CCSER1: variants seen among roughly 807,000 people sequenced by gnomAD.
CCSER1 encodes coiled-coil serine rich protein 1, also known as serine-rich coiled-coil domain-containing protein 1.
Under a neutral mutation model 82.0 loss-of-function variants are expected in CCSER1, and 41 were observed. The observed-to-expected ratio is 0.50, with a 90% CI of 0.39 to 0.65. The LOEUF is 0.65. CCSER1 is among the 30% of genes least tolerant of loss of function. The pLI, the probability that CCSER1 is intolerant of heterozygous loss-of-function variation, is 0.00. For missense variants in CCSER1, 1,119 were observed against 1,064.2 expected, an observed-to-expected ratio of 1.05 and a Z score of -0.72; for synonymous variants, 414 against 383.9, an observed-to-expected ratio of 1.08 and a Z score of -0.92.
intron 10 of CCSER1, among the ~76,000 whole-genome samples, chr4:91,591,148 T>C (rs957402216): frequency 4.6e-5 from 7 of 152,102 alleles, no homozygotes; most frequent in African/African-American, 1.4e-4. Context: ...ACTAACATCC[T>C]GCAATGTACA....
chr4:90,600,208 T>C (rs186986107), intron 5 of CCSER1, among the ~76,000 whole-genome samples: 2 of 152,280 alleles, frequency 1.3e-5, no homozygotes, highest in Admixed American at 1.3e-4. Flanking sequence ...TTTATTTCTC[T>C]TGAGTAAATA....
At chr4:91,525,166 A>G (rs1760710453) in intron 10 of CCSER1, among the ~76,000 whole-genome samples, 1 of 152,152 alleles carries the variant, frequency 6.6e-6, no homozygotes, top group African/African-American at 2.4e-5. Context: ...TTGAAATATA[A>G]TAAGAAATAT....
intron 1 of CCSER1, among the ~76,000 whole-genome samples, chr4:90,151,541 A>G (rs1325045279): frequency 6.6e-6 from 1 of 152,070 alleles, no homozygotes; most frequent in Admixed American, 6.6e-5. Flanking sequence ...TATTTAATAT[A>G]CACCCTTTTT....
At chr4:91,351,925 T>C (rs919592710) in intron 10 of CCSER1, among the ~76,000 whole-genome samples, 2 of 152,124 alleles carry the variant, frequency 1.3e-5, no homozygotes, top group Admixed American at 1.3e-4. Flanking sequence ...TTATTAATTG[T>C]ACATAATATA....
chr4:90,753,745 T>C (rs1041234890), intron 7 of CCSER1, among the ~76,000 whole-genome samples: 1 of 152,142 alleles, frequency 6.6e-6, no homozygotes, highest in Non-Finnish European at 1.5e-5. Context: ...AGTGCCTTCA[T>C]ATCAAACGCA....
chr4:90,584,985 A>G (rs1160712635), intron 5 of CCSER1, among the ~76,000 whole-genome samples: 1 of 152,208 alleles, frequency 6.6e-6, no homozygotes, highest in Non-Finnish European at 1.5e-5. Context: ...TTTATCTTGC[A>G]ATGGGCTTGT....
chr4:91,123,651 G>T (rs1203589812), intron 10 of CCSER1, among the ~76,000 whole-genome samples: 1 of 151,624 alleles, frequency 6.6e-6, no homozygotes, highest in South Asian at 2.1e-4. Context: ...ATCACTTACC[G>T]CATTTGTGTG....
At chr4:91,477,818 G>A (rs1008821546) in intron 10 of CCSER1, among the ~76,000 whole-genome samples, 1 of 151,650 alleles carries the variant, frequency 6.6e-6, no homozygotes, top group Non-Finnish European at 1.5e-5. Context: ...AATCAACAAT[G>A]GCTTGGGTAG....
At chr4:91,332,709 C>A (rs535618578) in intron 10 of CCSER1, among the ~76,000 whole-genome samples, 45 of 152,090 alleles carry the variant, frequency 3.0e-4, no homozygotes, top group Middle Eastern at 3.4e-3. Context: ...AATAGGCAAA[C>A]TACAGGTCTG....
chr4:90,195,262 C>G (rs72876154), intron 1 of CCSER1, among the ~76,000 whole-genome samples: 7,962 of 152,008 alleles, frequency 0.052, 590 homozygotes, highest in African/African-American at 0.16. Context: ...TGGAATGATT[C>G]AGTGTTAAAA....
chr4:91,314,192 G>C (rs575060205), intron 10 of CCSER1, among the ~76,000 whole-genome samples: 2 of 152,056 alleles, frequency 1.3e-5, no homozygotes, highest in Admixed American at 1.3e-4. Context: ...AGTTACCCAG[G>C]TTGTTTTATT....
intron 1 of CCSER1, among the ~76,000 whole-genome samples, chr4:90,262,540 A>T (rs775718297): frequency 6.6e-6 from 1 of 152,022 alleles, no homozygotes; most frequent in African/African-American, 2.4e-5. Flanking sequence ...TTATTTACTG[A>T]GTTAATGGTT....
chr4:91,225,288 A>G (rs1382896843), intron 10 of CCSER1, among the ~76,000 whole-genome samples: 1 of 50,438 alleles, frequency 2.0e-5, no homozygotes, highest in Non-Finnish European at 3.4e-5. Context: ...TATATATGTA[A>G]TATATATGTA....
rs1330835631 is a variant in CCSER1 at position 91,602,597 on chromosome 4, C to T, written c.*3540C>T. ...GCAGTGGATAATTTGGAATACTTAG[C>T]ATAATCTCATAATTATAATCTAAAT... On this transcript the variant is annotated 3_prime_UTR_variant, in exon 11 of 11. Coordinates refer to ENST00000509176, the MANE Select transcript of CCSER1 (RefSeq NM_001145065.2). Among the ~76,000 whole-genome samples the T allele has an allele frequency of 6.6e-6, 1 of 152,012 alleles. No individual in the cohort carries two copies. The highest frequency in any genetic ancestry group is 2.4e-5 in the African/African-American group (1 of 41,436).
At chr4:91,162,075 A>G (rs1405971937) in intron 10 of CCSER1, among the ~76,000 whole-genome samples, 1 of 152,168 alleles carries the variant, frequency 6.6e-6, no homozygotes, top group Non-Finnish European at 1.5e-5. Flanking sequence ...TGGGTTTGTC[A>G]TAAATATCTC....
chr4:90,298,181 G>A (rs1269151911), intron 1 of CCSER1, among the ~76,000 whole-genome samples: 1 of 151,822 alleles, frequency 6.6e-6, no homozygotes, highest in Non-Finnish European at 1.5e-5. Context: ...TCCTGTTATT[G>A]GTCTATTCAG....
intron 10 of CCSER1, among the ~76,000 whole-genome samples, chr4:91,188,333 A>G (rs1734736962): frequency 6.6e-6 from 1 of 152,170 alleles, no homozygotes; most frequent in Non-Finnish European, 1.5e-5. Context: ...ATTTTTCAGT[A>G]TTGATGTTAC....
chr4:91,481,110 C>CA (rs1374445213), intron 10 of CCSER1, among the ~76,000 whole-genome samples: 1 of 146,310 alleles, frequency 6.8e-6, no homozygotes, highest in Non-Finnish European at 1.5e-5. Context: ...CCCTCCCCTA[C>CA]AGCCTCTCCT....
At chr4:90,902,496 G>A (rs1724807752) in intron 8 of CCSER1, among the ~76,000 whole-genome samples, 1 of 151,926 alleles carries the variant, frequency 6.6e-6, no homozygotes, top group African/African-American at 2.4e-5. Flanking sequence ...ATGCTTGAAT[G>A]TGTGATTGTG....
Sources: gnomAD v4.1 joint callset for allele counts (sites outside exome capture counted in the v4.1 genomes callset) on GRCh38, gnomAD v4.1.1 for gene constraint, MANE v1.5 for transcripts, NCBI Gene and HGNC (gene_info 2026-07-23, HGNC 2026-07-21) for gene names.